Variants in DGKB observed in about 807,000 individuals in gnomAD.
DGKB encodes the protein 90 kDa diacylglycerol kinase.
Under a neutral mutation model 114.3 loss-of-function variants are expected in DGKB, and 67 were observed. The ratio of observed to expected loss-of-function variants is 0.59; its 90% CI spans 0.48 to 0.72. The LOEUF is 0.72. DGKB is among the 30% of genes least tolerant of loss of function. The pLI, the probability that DGKB is intolerant of heterozygous loss-of-function variation, is 0.00. For missense variants in DGKB, 907 were observed against 975.2 expected, an observed-to-expected ratio of 0.93 and a Z score of 0.93; for synonymous variants, 398 against 323.1, an observed-to-expected ratio of 1.23 and a Z score of -2.49.
In DGKB at chr7:14,392,989, G is replaced by GTTTTTTTTTTTTTTTTTT. The variant is rs776845811; in HGVS notation, c.1836-47599_1836-47598insAAAAAAAAAAAAAAAAAA. The stretch of plus-strand genomic sequence containing the variant: ...GAGGGCCAAAACAGACCTGTTTTTT[G>GTTTTTTTTTTTTTTTTTT]TTTTTGTTTTTTTTTTTTTGAGACG... On this transcript the variant is annotated intron_variant, in intron 21 of 25. Coordinates refer to ENST00000402815, the MANE Select transcript of DGKB (RefSeq NM_001350709.2). Among the ~76,000 whole-genome samples, 4 of 10,162 alleles carry GTTTTTTTTTTTTTTTTTT rather than the reference G, an allele frequency of 3.9e-4. 1 individual carries two copies. The highest frequency in any genetic ancestry group is 6.9e-4 in the African/African-American group (3 of 4,324). 6.7% of individuals were successfully genotyped at this position (10,162 alleles called of 152,430 possible).
At chr7:14,907,091 TA>T (rs1783749612), upstream of DGKB, among the ~76,000 whole-genome samples, 2 of 152,350 alleles carry the variant, frequency 1.3e-5, no homozygotes, top group African/African-American at 4.8e-5. Flanking sequence ...CCACTGGTTT[TA>T]AATCAATGAA....
chr7:14,401,652 A>T (rs1412109775), intron 21 of DGKB, among the ~76,000 whole-genome samples: 2 of 151,872 alleles, frequency 1.3e-5, no homozygotes, highest in East Asian at 1.9e-4. Context: ...TCAGTGCTTC[A>T]TTAACTCTAA....
At chr7:14,668,043 T>C (rs1818341039) in intron 13 of DGKB, among the ~76,000 whole-genome samples, 1 of 152,070 alleles carries the variant, frequency 6.6e-6, no homozygotes, top group South Asian at 2.1e-4. Context: ...TTGTTTACTG[T>C]AATAGAGTGT....
At chr7:14,845,323 A>G (rs950448670) in intron 1 of DGKB, among the ~76,000 whole-genome samples, 1 of 152,082 alleles carries the variant, frequency 6.6e-6, no homozygotes, top group African/African-American at 2.4e-5. Context: ...CATTTTTTAC[A>G]TTTGTTTTGA....
intron 2 of DGKB, among the ~76,000 whole-genome samples, chr7:14,793,609 G>T (rs1840996001): frequency 6.6e-6 from 1 of 152,124 alleles, no homozygotes; most frequent in South Asian, 2.1e-4. Context: ...AATAATGCTT[G>T]CCAGGAGGAG....
chr7:14,892,566 G>T (rs1781418744), intron 1 of DGKB, among the ~76,000 whole-genome samples: 1 of 150,978 alleles, frequency 6.6e-6, no homozygotes, highest in Non-Finnish European at 1.5e-5. Context: ...AAGGTAAATT[G>T]TTATCATTAT....
intron 1 of DGKB, among the ~76,000 whole-genome samples, chr7:14,885,939 G>A (rs571399527): frequency 2.4e-4 from 37 of 151,348 alleles, no homozygotes; most frequent in African/African-American, 8.5e-4. Flanking sequence ...GTGAATCTAC[G>A]GCTAATTTAG....
At chr7:14,894,444 G>C (rs1781787464) in intron 1 of DGKB, among the ~76,000 whole-genome samples, 2 of 151,296 alleles carry the variant, frequency 1.3e-5, no homozygotes, top group African/African-American at 4.8e-5. Context: ...AAACTTCTTA[G>C]TGGAGAAAAA....
Position 14,148,152 on chromosome 7 carries a change from TTGTC to T in DGKB, c.*975_*978del, listed in dbSNP as rs945262290. On this transcript the variant is annotated 3_prime_UTR_variant, in exon 26 of 26. Transcript: ENST00000402815. ...AGCTTTGATTGTGTTGTCTGGCTTA[TTGTC>T]TGTCTGTGAAAGGTGAGAATTTTAA... is the stretch of plus-strand genomic sequence containing the variant. The T allele has an allele frequency of 1.3e-5, 2 of 152,582 alleles. No homozygotes were observed. The highest frequency in any genetic ancestry group is 4.8e-5 in the African/African-American group (2 of 41,462). 9.5% of individuals were successfully genotyped at this position (152,582 alleles called of 1,614,324 possible). A position where few individuals can be genotyped will look rare whatever the true frequency, so the allele number is the denominator to read the frequency against.
At chr7:14,796,289 G>C (rs1189173699) in intron 2 of DGKB, among the ~76,000 whole-genome samples, 1 of 152,100 alleles carries the variant, frequency 6.6e-6, no homozygotes, top group Non-Finnish European at 1.5e-5. Flanking sequence ...ACTTGAAGAA[G>C]ATCAATAATT....
chr7:14,640,857 G>A lies in DGKB; in HGVS notation c.1135-10589C>T, dbSNP rs375729733. On this transcript the variant is annotated intron_variant, in intron 13 of 25. Coordinates refer to ENST00000402815, the MANE Select transcript of DGKB (RefSeq NM_001350709.2). Reference sequence around the variant, plus strand: ...TAAAACTACAGATTACCTTTGCAAGGTGGAATTTATCCCTTAATGTCTAGT... The same window carrying A: ...TAAAACTACAGATTACCTTTGCAAGATGGAATTTATCCCTTAATGTCTAGT... Among the ~76,000 whole-genome samples, 72 of 152,284 alleles carry A rather than the reference G, an allele frequency of 4.7e-4. 1 individual carries two copies. Among genetic ancestry groups the A allele is most frequent in the African/African-American group, 1.5e-3 (64 of 41,580 alleles).
intron 23 of DGKB, among the ~76,000 whole-genome samples, chr7:14,271,757 A>G (rs1025156972): frequency 1.3e-5 from 2 of 152,226 alleles, no homozygotes; most frequent in Non-Finnish European, 1.5e-5. Context: ...TTAGACGGGA[A>G]AAAGAAAATA....
intron 20 of DGKB, among the ~76,000 whole-genome samples, chr7:14,559,379 G>T (rs1025560833): frequency 3.9e-5 from 6 of 152,056 alleles, no homozygotes; most frequent in Non-Finnish European, 5.9e-5. Flanking sequence ...GAGGAAGGGG[G>T]CACAGCGTAG....
At chr7:14,728,165 A>G (rs1415292375) in intron 5 of DGKB, among the ~76,000 whole-genome samples, 1 of 152,186 alleles carries the variant, frequency 6.6e-6, no homozygotes, top group East Asian at 1.9e-4. Flanking sequence ...GCAATGGGAG[A>G]GTTGGGGACC....
chr7:14,176,214 C>A, intron 25 of DGKB: 1 of 351,126 alleles, frequency 2.8e-6, no homozygotes, highest in Non-Finnish European at 4.0e-6. Flanking sequence ...TGGTCTTGTT[C>A]ATGTGTCTAC....
intron 23 of DGKB, among the ~76,000 whole-genome samples, chr7:14,221,005 C>A (rs1377106339): frequency 6.6e-6 from 1 of 150,984 alleles, no homozygotes; most frequent in Non-Finnish European, 1.5e-5. Context: ...TTGATTCCTA[C>A]CTATTGATCT....
At chr7:14,690,284 C>G (rs1246188055) in intron 9 of DGKB, among the ~76,000 whole-genome samples, 1 of 152,122 alleles carries the variant, frequency 6.6e-6, no homozygotes, top group Admixed American at 6.5e-5. Context: ...TCTCGTTTTT[C>G]CGGAGACAGC....
At chr7:14,320,596 A>G (rs1166356639) in intron 23 of DGKB, among the ~76,000 whole-genome samples, 1 of 151,864 alleles carries the variant, frequency 6.6e-6, no homozygotes, top group African/African-American at 2.4e-5. Context: ...GTACATATAT[A>G]TAGTACATAT....
intron 23 of DGKB, 127 bp from the exon 24 acceptor site, chr7:14,178,278 T>G: frequency 2.0e-6 from 2 of 1,006,214 alleles, no homozygotes; most frequent in Non-Finnish European, 2.8e-6. Flanking sequence ...TCTTAGAAAC[T>G]TAAAGTAATA....
Sources: allele counts gnomAD v4.1 joint callset (sites outside exome capture counted in the v4.1 genomes callset), GRCh38; gene constraint gnomAD v4.1.1; transcripts MANE v1.5; gene names NCBI Gene and HGNC (gene_info 2026-07-23, HGNC 2026-07-21).